Variants in POTEF observed in about 807,000 individuals in gnomAD.
POTEF encodes ANKRD26-like family C member 1B.
In POTEF, 20 loss-of-function variants were observed where a neutral mutation model predicts 83.2. That is an observed-to-expected ratio of 0.24 (90% CI 0.17 to 0.35). The LOEUF is 0.35. Ranked by LOEUF, POTEF falls within the 10% of genes least tolerant of loss-of-function variation. POTEF has a pLI of 1.00. For missense variants in POTEF, 550 were observed against 1,203.2 expected, an observed-to-expected ratio of 0.46 and a Z score of 8.03; for synonymous variants, 196 against 446.4, an observed-to-expected ratio of 0.44 and a Z score of 7.07.
At chr2:130,094,790 A>AAAAAT (rs1208116255) in intron 11 of POTEF, among the ~76,000 whole-genome samples, 7 of 55,796 alleles carry the variant, frequency 1.3e-4, no homozygotes, top group African/African-American at 3.9e-4. Flanking sequence ...TCCATCTCAA[A>AAAAAT]AAAATAAAAT....
rs753934288 is a variant in POTEF at position 130,075,598 on chromosome 2, T to C, written c.1900-26A>G. 3.3e-5 allele frequency: 52 copies of C among 1,599,436 alleles called. No homozygotes were observed. In the Middle Eastern group the frequency reaches 6.9e-4, roughly 21 times the overall value. On this transcript the variant is annotated intron_variant, in intron 16 of 16. Coordinates refer to ENST00000409914, the MANE Select transcript of POTEF (RefSeq NM_001099771.2). ...CTAAGTAAACAAAGAGAACTTTTAG[T>C]TAGCACTCAATAGATTGACATATCA...
intron 8 of POTEF, among the ~76,000 whole-genome samples, chr2:130,102,889 G>A (rs145344376): frequency 6.6e-6 from 1 of 151,396 alleles, no homozygotes; most frequent in Non-Finnish European, 1.5e-5. Flanking sequence ...CTCAGCTTTC[G>A]GATGCAAATC....
chr2:130,119,639 G>A (rs1222876454), intron 3 of POTEF, among the ~76,000 whole-genome samples: 1 of 151,494 alleles, frequency 6.6e-6, no homozygotes, highest in Non-Finnish European at 1.5e-5. Flanking sequence ...TGTGTTATGG[G>A]GCTTCGTTCT....
At chr2:130,124,946 T>C (rs1164891040) in intron 2 of POTEF, among the ~76,000 whole-genome samples, 1 of 150,590 alleles carries the variant, frequency 6.6e-6, no homozygotes, top group Non-Finnish European at 1.5e-5. Flanking sequence ...AAAATTCATG[T>C]TCACATAATT....
chr2:130,079,315 AATC>A (rs1417317735), intron 15 of POTEF, among the ~76,000 whole-genome samples: 1 of 135,394 alleles, frequency 7.4e-6, no homozygotes. Flanking sequence ...AAATATCTCT[AATC>A]ATCAGGGAAA....
Position 130,075,333 on chromosome 2 carries a change from G to A in POTEF, c.2139C>T (p.Gly713=), listed in dbSNP as rs1421942109. 5 of 1,612,490 alleles carry A rather than the reference G, an allele frequency of 3.1e-6. No homozygotes were observed. The highest frequency in any genetic ancestry group is 4.2e-6 in the Non-Finnish European group (5 of 1,179,864). Reference sequence around the variant, plus strand: ...CAAAGCCGGCCTTGCACATGCCAGAGCCGTTGTCAATGACGAGCACAGCGG... The same window carrying A: ...CAAAGCCGGCCTTGCACATGCCAGAACCGTTGTCAATGACGAGCACAGCGG... ...DDTAVLVIDN[G]SGMCKAGFAG... is the part of the protein sequence containing the mutation. The change falls in exon 17 of 17, where the codon GGC becomes GGT. Residue 713 remains glycine, a synonymous_variant. Transcript: ENST00000409914.
intron 8 of POTEF, among the ~76,000 whole-genome samples, chr2:130,106,012 A>G (rs1242480171): frequency 6.6e-6 from 1 of 151,174 alleles, no homozygotes. Flanking sequence ...AGCCCTTTGC[A>G]TGCTTCTAAG....
At position 130,085,932 on chromosome 2, in the gene POTEF, C is replaced by T. The variant is rs1684000788; in HGVS notation, c.1660G>A (p.Glu554Lys). The part of the protein sequence containing the change: ...KHRSTHVGFP[E>K]NLTNGATAGN... ...GCAGTGGCACCATTAGTCAGGTTTTCTGGGAATCCGACATGAGTACTTCTG... is the reference window on the plus strand; with the variant it reads ...GCAGTGGCACCATTAGTCAGGTTTTTTGGGAATCCGACATGAGTACTTCTG... Residue 554 changes from glutamate to lysine, a missense_variant, in exon 15 of 17, where the codon GAA becomes AAA. Glu to Lys is a moderately conservative substitution (Grantham distance 56). Transcript: ENST00000409914. The T allele has an allele frequency of 1.0e-6, 1 of 995,186 alleles. No homozygotes were observed. The highest frequency in any genetic ancestry group is 3.7e-5 in the Admixed American group (1 of 26,798). 61.6% of individuals were successfully genotyped at this position (995,186 alleles called of 1,614,324 possible).
At chr2:130,115,084 A>C (rs533368928) in intron 4 of POTEF, 30 bp from the exon 5 acceptor site, 1 of 1,464,014 alleles carries the variant, frequency 6.8e-7, no homozygotes, top group South Asian at 1.4e-5. Flanking sequence ...AACAAATTAC[A>C]AATCTTAGGA....
In POTEF at chr2:130,075,478, A is replaced by G. The variant is rs1683770659; in HGVS notation, c.1994T>C (p.Met665Thr). Residue 665 changes from methionine (M) to threonine (T), a missense_variant, in exon 17 of 17, where the codon ATG becomes ACG. Met to Thr is a moderately conservative substitution (Grantham distance 81, BLOSUM62 -1). Transcript: ENST00000409914. ...TTCTCTTAGCTGGCTCTGATGTTTC[A>G]TTGTGTCTAGCTCCAGTCTTAGCAT... is the stretch of plus-strand genomic sequence containing the variant. Reference protein sequence around the residue: ...IAMLRLELDTMKHQSQLREKK... With the variant: ...IAMLRLELDTTKHQSQLREKK... 1 of 1,610,992 alleles carries G rather than the reference A, an allele frequency of 6.2e-7. No individual in the cohort carries two copies.
chr2:130,091,176 CAAATT>C, intron 12 of POTEF, among the ~76,000 whole-genome samples: 1 of 67,652 alleles, frequency 1.5e-5, no homozygotes. Context: ...CCTTAATACT[CAAATT>C]TAATCTTGTG....
chr2:130,112,854 T>C (rs931368456), intron 5 of POTEF, among the ~76,000 whole-genome samples: 3 of 151,668 alleles, frequency 2.0e-5, no homozygotes, highest in Non-Finnish European at 4.4e-5. Context: ...ACTATTCTAA[T>C]TGAGAAAACT....
chr2:130,093,259 TA>T (rs1684175592), intron 12 of POTEF, among the ~76,000 whole-genome samples, 178 bp downstream of exon 12: 1 of 102,742 alleles, frequency 9.7e-6, no homozygotes, highest in Non-Finnish European at 1.9e-5. Flanking sequence ...TATTTTATTA[TA>T]TATTACAATG....
At chr2:130,086,609 CAT>C (rs1684023351) in intron 13 of POTEF, among the ~76,000 whole-genome samples, 2 of 83,210 alleles carry the variant, frequency 2.4e-5, no homozygotes, top group African/African-American at 5.6e-5. Flanking sequence ...TGGCTTCTAA[CAT>C]GTGAAAAATA....
At position 130,075,019 on chromosome 2, in the gene POTEF, T is replaced by A. The variant is rs201915049; in HGVS notation, c.2453A>T (p.Lys818Met). 5.8e-5 allele frequency: 93 copies of A among 1,613,440 alleles called. No homozygotes were observed. The highest frequency in any genetic ancestry group is 1.7e-4 in the Admixed American group (10 of 59,914). The change falls in exon 17 of 17, where the codon AAG becomes ATG. Residue 818 changes from lysine (K) to methionine (M), a missense_variant. Coordinates refer to ENST00000409914, the MANE Select transcript of POTEF (RefSeq NM_001099771.2). ...GGTCTCAAACATGATCTGGGTCATC[T>A]TCTCGCGGTTGGCCTTAGGGTTCAG... ...ATLNPKANRE[K>M]MTQIMFETFN...
intron 16 of POTEF, among the ~76,000 whole-genome samples, chr2:130,076,604 T>C (rs2599803): frequency 1.4e-5 from 2 of 140,194 alleles, no homozygotes; most frequent in African/African-American, 5.5e-5. Flanking sequence ...CCTCTTTACA[T>C]TGAAATGAGA....
chr2:130,103,690 A>G (rs1573604554), intron 8 of POTEF, among the ~76,000 whole-genome samples: 1 of 150,892 alleles, frequency 6.6e-6, no homozygotes, highest in Admixed American at 6.6e-5. Context: ...AATTAAAATA[A>G]AGCATGTCAG....
intron 8 of POTEF, among the ~76,000 whole-genome samples, chr2:130,104,920 T>C (rs879000852): frequency 2.7e-5 from 4 of 150,746 alleles, no homozygotes; most frequent in African/African-American, 4.9e-5. Context: ...CAATTACCTA[T>C]TCAAAATATC....
At chr2:130,125,868 C>T (rs1209561005) in intron 2 of POTEF, among the ~76,000 whole-genome samples, 1 of 149,840 alleles carries the variant, frequency 6.7e-6, no homozygotes, top group African/African-American at 2.5e-5. Flanking sequence ...ATCGGGCCAT[C>T]GTACTACAGC....
Sources: allele counts gnomAD v4.1 joint callset (sites outside exome capture counted in the v4.1 genomes callset), GRCh38; gene constraint gnomAD v4.1.1; transcripts MANE v1.5; gene names NCBI Gene and HGNC (gene_info 2026-07-23, HGNC 2026-07-21).